The following CACNA2D2 variants were observed in gnomAD, a reference collection of about 807,000 sequenced individuals.
CACNA2D2 encodes voltage-dependent calcium channel subunit alpha-2/delta-2.
CACNA2D2 carries 48 observed loss-of-function variants against 166.4 expected under a neutral mutation model. The ratio of observed to expected loss-of-function variants is 0.29; its 90% confidence interval spans 0.23 to 0.37. The LOEUF is 0.37. Among genes scored for constraint, CACNA2D2 ranks in the 10% least tolerant of loss-of-function variants. The pLI is 1.00. For synonymous variants in CACNA2D2, 561 were observed against 573.7 expected (o/e 0.98, Z 0.32); for missense variants, 1,122 against 1,433.0 (o/e 0.78, Z 3.50).
Position 50,381,136 on chromosome 3 carries a change from A to G in CACNA2D2, c.653-10T>C. 1 of 1,596,902 alleles carries G rather than the reference A, an allele frequency of 6.3e-7. No homozygotes were observed. Among genetic ancestry groups the G allele is most frequent in the African/African-American group, 1.3e-5 (1 of 74,376 alleles). On this transcript the variant is annotated splice_polypyrimidine_tract_variant and intron_variant, in intron 6 of 37. Coordinates refer to ENST00000424201, the MANE Select transcript of CACNA2D2 (RefSeq NM_006030.4). ...TTGAGGATGACAGTGGCTGGGGGGA[A>G]GCGGGGAGCTGGGGTGGGGAGCACC...
chr3:50,432,502 TG>T (rs1218965072), intron 3 of CACNA2D2, among the ~76,000 whole-genome samples: 1 of 151,886 alleles, frequency 6.6e-6, no homozygotes, highest in Non-Finnish European at 1.5e-5. Flanking sequence ...TGGAAGGAAG[TG>T]GGGTGGAGAC....
chr3:50,412,823 T>A (rs900827509), intron 3 of CACNA2D2, among the ~76,000 whole-genome samples: 3 of 151,846 alleles, frequency 2.0e-5, no homozygotes, highest in African/African-American at 7.3e-5. Context: ...CACCGTGGAG[T>A]TTTATCTGGA....
intron 1 of CACNA2D2, among the ~76,000 whole-genome samples, chr3:50,498,541 T>G (rs1310184828): frequency 6.6e-6 from 1 of 151,944 alleles, no homozygotes; most frequent in Non-Finnish European, 1.5e-5. Flanking sequence ...GGCCCATAAC[T>G]CAAAGCTGGG....
chr3:50,400,737 C>A (rs1178388714), intron 3 of CACNA2D2, among the ~76,000 whole-genome samples: 3 of 152,250 alleles, frequency 2.0e-5, no homozygotes, highest in African/African-American at 7.2e-5. Context: ...CCCAGCCTTA[C>A]CCGTCCCTCA....
intron 2 of CACNA2D2, among the ~76,000 whole-genome samples, chr3:50,439,167 T>C (rs1708479536): frequency 6.6e-6 from 1 of 152,040 alleles, no homozygotes; most frequent in Admixed American, 6.5e-5. Flanking sequence ...AAAAGAGGCA[T>C]AGGGATGAAC....
intron 3 of CACNA2D2, among the ~76,000 whole-genome samples, chr3:50,402,899 C>T (rs914380122): frequency 5.9e-5 from 9 of 152,332 alleles, no homozygotes; most frequent in Non-Finnish European, 1.0e-4. Flanking sequence ...GGCCGTCGGC[C>T]ACTCTGGCTA....
intron 22 of CACNA2D2, among the ~76,000 whole-genome samples, chr3:50,371,113 G>A (rs1253398988): frequency 6.6e-6 from 1 of 152,106 alleles, no homozygotes; most frequent in Admixed American, 6.5e-5. Context: ...TGGGAAGAAA[G>A]TCTGAGGAGC....
At position 50,366,956 on chromosome 3, in the gene CACNA2D2, C is replaced by G. The variant is rs372841387; in HGVS notation, c.2501-37G>C. On this transcript the variant is annotated intron_variant, in intron 28 of 37. Coordinates refer to ENST00000424201, the MANE Select transcript of CACNA2D2 (RefSeq NM_006030.4). This position sits in a 1 kb window ranked among gnomAD's most constrained non-coding sequence, Gnocchi z 5.9. ...AGCAAGGGACCATCAGTGCTACCTGCCCAGGCAGTACCCTGTCCATTGCCT... is the reference window on the plus strand; with the variant it reads ...AGCAAGGGACCATCAGTGCTACCTGGCCAGGCAGTACCCTGTCCATTGCCT... 1.3e-4 allele frequency: 215 copies of G among 1,612,690 alleles called. No individual in the cohort carries two copies. Among genetic ancestry groups the G allele is most frequent in the Non-Finnish European group, 1.8e-4 (210 of 1,179,148 alleles).
rs1704116245 is a variant in CACNA2D2, at chr3:50,364,681, G to A, written c.3417C>T (p.Ala1139=). The A allele has an allele frequency of 3.9e-6, 6 of 1,535,556 alleles. No homozygotes were observed. Among genetic ancestry groups the A allele is most frequent in the South Asian group, 1.2e-5 (1 of 83,352 alleles). The change falls in exon 38 of 38, where the codon GCC becomes GCT. Residue 1139 remains alanine (A), a synonymous_variant. Coordinates refer to ENST00000424201, the MANE Select transcript of CACNA2D2 (RefSeq NM_006030.4). The part of the protein sequence containing the change: ...PRPQPQVLVH[A]SRRL ...GGCAGGGTGCTCAGAGGCGGCGAGA[G>A]GCGTGGACGAGGACTTGAGGCTGCG...
chr3:50,380,360 C>A lies in CACNA2D2; in HGVS notation c.843-342G>T, dbSNP rs1318719891. ...CAGTCTAGCTGTGTATGGGATGGTG[C>A]AGGTGGCAGGGAAGGAGAGTCACAG... is the stretch of plus-strand genomic sequence containing the variant. On this transcript the variant is annotated intron_variant, in intron 8 of 37. Coordinates refer to ENST00000424201, the MANE Select transcript of CACNA2D2 (RefSeq NM_006030.4). This position sits in a 1 kb window ranked among gnomAD's most constrained non-coding sequence, Gnocchi z 4.9. Among the ~76,000 whole-genome samples, 2 of 152,168 alleles carry A rather than the reference C, an allele frequency of 1.3e-5. No homozygotes were observed. Among genetic ancestry groups the A allele is most frequent in the African/African-American group, 2.4e-5 (1 of 41,430 alleles).
intron 13 of CACNA2D2, 147 bp from the exon 14 acceptor site, chr3:50,378,480 C>T: frequency 1.3e-6 from 1 of 790,556 alleles, no homozygotes; most frequent in Non-Finnish European, 2.1e-6. Flanking sequence ...GTGCTCCCGG[C>T]CTCTGCCCTG....
Position 50,380,615 on chromosome 3 carries a change from ATG to A in CACNA2D2, c.842+131_842+132del. On this transcript the variant is annotated intron_variant, in intron 8 of 37. Transcript: ENST00000424201. This position sits in a 1 kb window ranked among gnomAD's most constrained non-coding sequence, Gnocchi z 4.9. ...TGGGATCCATTTTCCAGTGGCAACC[ATG>A]TGTGAAATGAAAATTGGATACAGCT... The A allele has an allele frequency of 2.8e-6, 2 of 717,392 alleles. No homozygotes were observed. The highest frequency in any genetic ancestry group is 4.5e-6 in the Non-Finnish European group (2 of 447,214). The allele number at this position is 717,392 out of a possible 1,614,324, so 44.4% of individuals were successfully genotyped here.
In CACNA2D2 at chr3:50,503,264, G is replaced by T; in HGVS notation, c.160C>A (p.Leu54Ile). The part of the protein sequence containing the change: ...LWLLLPLLPL[L>I]AAPGASAYSF... ...TAGGCAGAGGCGCCGGGGGCGGCGA[G>T]CAGCGGTAGAAGCGGCAGCAGCAGC... Residue 54 changes from leucine to isoleucine, a missense_variant, in exon 1 of 38, where the codon CTC becomes ATC. Transcript: ENST00000424201. The T allele has an allele frequency of 8.4e-7, 1 of 1,189,624 alleles. No homozygotes were observed. The highest frequency in any genetic ancestry group is 1.0e-6 in the Non-Finnish European group (1 of 959,010). The allele number at this position is 1,189,624 out of a possible 1,614,324, so 73.7% of individuals were successfully genotyped here.
Position 50,365,125 on chromosome 3 carries a change from G to T in CACNA2D2, c.3158C>A (p.Pro1053Gln). 1.2e-6 allele frequency: 2 copies of T among 1,612,140 alleles called. No individual in the cohort carries two copies. The highest frequency in any genetic ancestry group is 8.5e-7 in the Non-Finnish European group (1 of 1,179,692). The change falls in exon 36 of 38, where the codon CCG (proline) becomes CAG (glutamine). Residue 1053 changes from proline (P) to glutamine (Q), a missense_variant. By Grantham distance (76) the Pro-to-Gln change is moderately conservative (BLOSUM62 -1). Transcript: ENST00000424201. This position sits in a 1 kb window ranked among gnomAD's most constrained non-coding sequence, Gnocchi z 4.5. ...TNLLFVVAEKPLCSQCEAGRL... is the reference protein window; with the variant it reads ...TNLLFVVAEKQLCSQCEAGRL... Reference sequence around the variant, plus strand: ...GCCAGCCTCGCACTGGCTGCACAGCGGCTTCTCGGCCACCACAAAGAGAAG... The same window carrying T: ...GCCAGCCTCGCACTGGCTGCACAGCTGCTTCTCGGCCACCACAAAGAGAAG...
At chr3:50,463,745 C>A (rs1337971502) in intron 2 of CACNA2D2, among the ~76,000 whole-genome samples, 2 of 152,264 alleles carry the variant, frequency 1.3e-5, no homozygotes, top group Non-Finnish European at 2.9e-5. Context: ...CACAAACCAG[C>A]AAGCCCTCAA....
intron 1 of CACNA2D2, among the ~76,000 whole-genome samples, chr3:50,484,069 G>A (rs1251710090): frequency 6.6e-6 from 1 of 152,114 alleles, no homozygotes; most frequent in Non-Finnish European, 1.5e-5. Context: ...CGAGATCCGA[G>A]ATCCTGACGG....
intron 3 of CACNA2D2, among the ~76,000 whole-genome samples, chr3:50,424,173 T>G (rs1320811669): frequency 6.6e-6 from 1 of 152,178 alleles, no homozygotes; most frequent in African/African-American, 2.4e-5. Context: ...TGTGAGGGCT[T>G]TGCTTCTTGG....
chr3:50,493,510 G>A (rs1698601562), intron 1 of CACNA2D2, among the ~76,000 whole-genome samples: 1 of 152,216 alleles, frequency 6.6e-6, no homozygotes, highest in African/African-American at 2.4e-5. Flanking sequence ...GCCAAGGACA[G>A]ACAGTTACAC....
chr3:50,367,553 G>A lies in CACNA2D2; in HGVS notation c.2298-56C>T, dbSNP rs587690976. 55 of 1,607,434 alleles carry A rather than the reference G, an allele frequency of 3.4e-5. No individual in the cohort carries two copies. The East Asian group carries it at 1.2e-3, about 36-fold the overall frequency. On this transcript the variant is annotated intron_variant, in intron 26 of 37. Transcript: ENST00000424201. The surrounding 1 kb of genome is among the most constrained non-coding windows in gnomAD (Gnocchi z 6.5). ...AAGGGGTGGCTTGTCGGGGACAGTGGTCTCCACAGATGCAAGGAGGCCTCT... is the reference window on the plus strand; with the variant it reads ...AAGGGGTGGCTTGTCGGGGACAGTGATCTCCACAGATGCAAGGAGGCCTCT...
Sources: allele counts gnomAD v4.1 joint callset (sites outside exome capture counted in the v4.1 genomes callset), GRCh38; gene constraint gnomAD v4.1.1; non-coding constraint Gnocchi (gnomAD v3.1); transcripts MANE v1.5; gene names NCBI Gene and HGNC (gene_info 2026-07-23, HGNC 2026-07-21).